The following PTPRD variants were observed in gnomAD, a reference collection of about 807,000 sequenced individuals.
The protein encoded by PTPRD is protein tyrosine phosphatase receptor type D.
A neutral mutation model predicts 214.5 loss-of-function variants in PTPRD; 34 were observed. The observed-to-expected ratio is 0.16, with a 90% CI of 0.12 to 0.21. The LOEUF (loss-of-function observed/expected upper bound fraction) is 0.21, where lower values mean the gene tolerates loss of function less well. Ranked by LOEUF, PTPRD falls within the 10% of genes least tolerant of loss-of-function variation. The pLI is 1.00. For synonymous variants in PTPRD, 1,128 were observed against 845.7 expected, an observed-to-expected ratio of 1.33 and a Z score of -5.79; for missense variants, 2,545 against 2,398.7, an observed-to-expected ratio of 1.06 and a Z score of -1.27.
chr9:8,670,572 T>G (rs1035136018), intron 12 of PTPRD, among the ~76,000 whole-genome samples: 1 of 152,230 alleles, frequency 6.6e-6, no homozygotes, highest in Non-Finnish European at 1.5e-5. Flanking sequence ...TATCTATATG[T>G]TTCTATATAT....
intron 11 of PTPRD, among the ~76,000 whole-genome samples, chr9:8,814,412 C>T (rs1460209494): frequency 6.6e-6 from 1 of 152,012 alleles, no homozygotes; most frequent in African/African-American, 2.4e-5. Context: ...GAGGGGAAGA[C>T]CCCACAGAAG....
chr9:10,582,575 T>C (rs1388650705), intron 2 of PTPRD, among the ~76,000 whole-genome samples: 1 of 152,226 alleles, frequency 6.6e-6, no homozygotes, highest in Non-Finnish European at 1.5e-5. Context: ...TTTCCTCTAC[T>C]ACATATCTGG....
intron 14 of PTPRD, among the ~76,000 whole-genome samples, chr9:8,557,217 T>G (rs796330547): frequency 6.6e-6 from 1 of 151,862 alleles, no homozygotes; most frequent in Non-Finnish European, 1.5e-5. Context: ...CATGAATACA[T>G]TGAAGATTAC....
At chr9:9,568,629 T>TCCTA (rs1279939782) in intron 8 of PTPRD, among the ~76,000 whole-genome samples, 1 of 151,968 alleles carries the variant, frequency 6.6e-6, no homozygotes, top group Non-Finnish European at 1.5e-5. Flanking sequence ...TTATAGGTTT[T>TCCTA]CCTACATGCT....
At chr9:8,403,467 G>A (rs951646607) in intron 36 of PTPRD, among the ~76,000 whole-genome samples, 2 of 152,190 alleles carry the variant, frequency 1.3e-5, no homozygotes, top group African/African-American at 4.8e-5. Context: ...GATTTAAGTG[G>A]CCTCCTAAAC....
chr9:9,492,429 C>A (rs1330029954), intron 8 of PTPRD, among the ~76,000 whole-genome samples: 1 of 151,842 alleles, frequency 6.6e-6, no homozygotes, highest in Non-Finnish European at 1.5e-5. Flanking sequence ...CCAAATCCAG[C>A]AGCATGTTAA....
intron 4 of PTPRD, among the ~76,000 whole-genome samples, chr9:9,958,049 T>C (rs1479721697): frequency 6.6e-6 from 1 of 152,150 alleles, no homozygotes; most frequent in Non-Finnish European, 1.5e-5. Flanking sequence ...AATCTAGACA[T>C]AGAGCTTACA....
At chr9:10,368,913 A>G (rs2097562153) in intron 2 of PTPRD, among the ~76,000 whole-genome samples, 1 of 152,156 alleles carries the variant, frequency 6.6e-6, no homozygotes, top group African/African-American at 2.4e-5. Flanking sequence ...AAGTAGCCAG[A>G]GGATATGATT....
intron 35 of PTPRD, among the ~76,000 whole-genome samples, chr9:8,433,785 G>A (rs1481276266): frequency 6.6e-6 from 1 of 152,136 alleles, no homozygotes; most frequent in East Asian, 1.9e-4. Flanking sequence ...GTAAGCTAAG[G>A]TTAATCTACT....
At chr9:8,561,646 C>T (rs569652218) in intron 14 of PTPRD, among the ~76,000 whole-genome samples, 1 of 151,996 alleles carries the variant, frequency 6.6e-6, no homozygotes, top group African/African-American at 2.4e-5. Flanking sequence ...CCAGCTGGAA[C>T]CCTGCAAATT....
intron 2 of PTPRD, among the ~76,000 whole-genome samples, chr9:10,448,970 T>A (rs962899831): frequency 3.9e-5 from 6 of 151,982 alleles, no homozygotes; most frequent in African/African-American, 1.2e-4. Flanking sequence ...GTTATTCATA[T>A]CTTTGAACTT....
At position 8,553,970 on chromosome 9, in the gene PTPRD, C is replaced by T. The variant is rs553400890; in HGVS notation, c.353-25191G>A. Among the ~76,000 whole-genome samples the T allele has an allele frequency of 1.1e-3, 172 of 152,032 alleles. 1 individual carries two copies. The highest frequency in any genetic ancestry group is 2.2e-3 in the Non-Finnish European group (148 of 68,018). On this transcript the variant is annotated intron_variant, in intron 14 of 45. Transcript: ENST00000381196. Reference sequence around the variant, plus strand: ...TTGGGAGGCTGAGGTGGGCAGATCACGAGGTCAGGAGTTCGAGACTAGCCT... The same window carrying T: ...TTGGGAGGCTGAGGTGGGCAGATCATGAGGTCAGGAGTTCGAGACTAGCCT...
At chr9:8,445,280 T>C (rs2133168492) in intron 34 of PTPRD, among the ~76,000 whole-genome samples, 1 of 152,292 alleles carries the variant, frequency 6.6e-6, no homozygotes, top group African/African-American at 2.4e-5. Flanking sequence ...TTTAAATCAT[T>C]ATTCTCTTAA....
intron 3 of PTPRD, among the ~76,000 whole-genome samples, chr9:10,157,268 A>G (rs1175960104): frequency 6.6e-6 from 1 of 152,078 alleles, no homozygotes; most frequent in Non-Finnish European, 1.5e-5. Context: ...ACAATTGATA[A>G]AGGTCTTTCC....
At chr9:9,805,060 A>G (rs2099064336) in intron 5 of PTPRD, among the ~76,000 whole-genome samples, 1 of 152,100 alleles carries the variant, frequency 6.6e-6, no homozygotes, top group African/African-American at 2.4e-5. Context: ...TTTGAAGTTA[A>G]GTGTAAACAC....
chr9:8,730,272 AG>A (rs1045350582), intron 12 of PTPRD, among the ~76,000 whole-genome samples: 7 of 152,204 alleles, frequency 4.6e-5, no homozygotes, highest in African/African-American at 1.7e-4. Context: ...AGAAAAAAAA[AG>A]AAAGAAATAT....
intron 5 of PTPRD, among the ~76,000 whole-genome samples, chr9:9,914,629 G>A (rs1435827437): frequency 6.6e-6 from 1 of 152,134 alleles, no homozygotes; most frequent in African/African-American, 2.4e-5. Context: ...CCTGTGTTCT[G>A]GCACTGTAGG....
chr9:9,208,872 A>T (rs1420510725), intron 9 of PTPRD, among the ~76,000 whole-genome samples: 1 of 151,416 alleles, frequency 6.6e-6, no homozygotes, highest in Non-Finnish European at 1.5e-5. Flanking sequence ...CAGTGGCGCG[A>T]TCCCGGCTCA....
chr9:8,585,164 A>G (rs926096231), intron 14 of PTPRD, among the ~76,000 whole-genome samples: 4 of 152,198 alleles, frequency 2.6e-5, no homozygotes, highest in Admixed American at 6.5e-5. Flanking sequence ...TTCAACGTAG[A>G]TCTTCAAATA....
Sources: allele counts gnomAD v4.1 joint callset (sites outside exome capture counted in the v4.1 genomes callset), GRCh38; gene constraint gnomAD v4.1.1; transcripts MANE v1.5; gene names NCBI Gene and HGNC (gene_info 2026-07-23, HGNC 2026-07-21).